The following SCRG1 variants were observed in gnomAD, a reference collection of about 807,000 sequenced individuals.
SCRG1 encodes stimulator of chondrogenesis 1.
A neutral mutation model predicts 7.7 loss-of-function variants in SCRG1; 3 were observed. The ratio of observed to expected loss-of-function variants is 0.39; its 90% CI spans 0.18 to 1.01. The LOEUF (loss-of-function observed/expected upper bound fraction) is 1.01, where lower values mean the gene tolerates loss of function less well. Ranked by LOEUF, SCRG1 falls within the 50% of genes least tolerant of loss-of-function variation. The probability of loss-of-function intolerance (pLI) is 0.36; values close to 1 mark genes in which losing one functional copy is unlikely to be tolerated. For missense variants in SCRG1, 110 were observed against 117.2 expected, an observed-to-expected ratio of 0.94 and a Z score of 0.28; for synonymous variants, 46 against 41.2, an observed-to-expected ratio of 1.12 and a Z score of -0.44.
At chr4:173,403,249 T>C (rs1303447677), upstream of SCRG1, 3 of 152,132 alleles carry the variant, frequency 2.0e-5, no homozygotes, top group South Asian at 2.1e-4. Context: ...GGTGAACTGA[T>C]GCCACCTCCC....
At chr4:173,397,907 G>A (rs961706516) in intron 1 of SCRG1, among the ~76,000 whole-genome samples, 5 of 152,170 alleles carry the variant, frequency 3.3e-5, no homozygotes, top group Admixed American at 6.5e-5. Context: ...CAGCAAGAGA[G>A]AAGCAAAGCT....
At chr4:173,511,270 G>A in the SCRG1 span, among the ~76,000 whole-genome samples, 1 of 152,066 alleles carries the variant, frequency 6.6e-6, no homozygotes, top group Non-Finnish European at 1.5e-5. This position sits in a 1 kb window ranked among gnomAD's most constrained non-coding sequence, Gnocchi z 5.2. Flanking sequence ...GAGCCACCGC[G>A]CGCCGGGTGG....
chr4:173,495,366 GTAAT>G, the SCRG1 span, among the ~76,000 whole-genome samples: 4 of 152,196 alleles, frequency 2.6e-5, no homozygotes, highest in African/African-American at 4.8e-5. Flanking sequence ...TTGTCAAAAA[GTAAT>G]TACCTATTTC....
the SCRG1 span, among the ~76,000 whole-genome samples, chr4:173,439,942 A>C: frequency 6.6e-6 from 1 of 152,242 alleles, no homozygotes; most frequent in African/African-American, 2.4e-5. Context: ...TTTCTTTTGC[A>C]GCTCTAAATC....
the SCRG1 span, among the ~76,000 whole-genome samples, chr4:173,491,272 C>G: frequency 6.6e-6 from 1 of 150,496 alleles, no homozygotes. Flanking sequence ...TTCCTGTGCC[C>G]CACTGCATGC....
the SCRG1 span, among the ~76,000 whole-genome samples, chr4:173,513,565 A>G: frequency 6.6e-6 from 1 of 152,208 alleles, no homozygotes; most frequent in Non-Finnish European, 1.5e-5. Flanking sequence ...TCTTAGTAAC[A>G]ACAACAAAAG....
At chr4:173,468,222 C>T in the SCRG1 span, 2 of 152,326 alleles carry the variant, frequency 1.3e-5, no homozygotes, top group African/African-American at 4.8e-5. Flanking sequence ...AAATAGTTAC[C>T]ACTGTGTAAC....
the SCRG1 span, chr4:173,419,566 A>G: frequency 2.7e-6 from 2 of 729,782 alleles, no homozygotes; most frequent in Non-Finnish European, 5.0e-6. Context: ...GTACTTCTGC[A>G]TTAAATTCCT....
chr4:173,440,026 C>CA, the SCRG1 span, among the ~76,000 whole-genome samples: 2 of 152,122 alleles, frequency 1.3e-5, no homozygotes, highest in African/African-American at 4.8e-5. Flanking sequence ...TGTATTTCTG[C>CA]AAAAATATGG....
chr4:173,484,946 T>G, the SCRG1 span, among the ~76,000 whole-genome samples: 3 of 61,884 alleles, frequency 4.8e-5, no homozygotes, highest in African/African-American at 2.0e-4. Context: ...TTATATATTA[T>G]ATATAATATT....
the SCRG1 span, among the ~76,000 whole-genome samples, chr4:173,483,219 T>G: frequency 6.5e-5 from 1 of 15,386 alleles, no homozygotes; most frequent in Non-Finnish European, 1.7e-4. Flanking sequence ...TATCATATAA[T>G]ATATATATTA....
the SCRG1 span, among the ~76,000 whole-genome samples, chr4:173,418,004 G>A: frequency 6.6e-6 from 1 of 152,128 alleles, no homozygotes; most frequent in African/African-American, 2.4e-5. Context: ...CATGATAAAT[G>A]CAGGTTGACT....
At chr4:173,487,834 G>A in the SCRG1 span, among the ~76,000 whole-genome samples, 1 of 151,958 alleles carries the variant, frequency 6.6e-6, no homozygotes, top group Non-Finnish European at 1.5e-5. Flanking sequence ...TGGGCATGGT[G>A]GCTCATGCAT....
chr4:173,502,827 C>T, the SCRG1 span, among the ~76,000 whole-genome samples: 1 of 151,164 alleles, frequency 6.6e-6, no homozygotes, highest in African/African-American at 2.4e-5. This position sits in a 1 kb window ranked among gnomAD's most constrained non-coding sequence, Gnocchi z 4.6. Flanking sequence ...AAGTTCCAAG[C>T]GTCTTCCACA....
chr4:173,431,654 A>G, the SCRG1 span, among the ~76,000 whole-genome samples: 6 of 152,180 alleles, frequency 3.9e-5, no homozygotes, highest in African/African-American at 1.4e-4. Flanking sequence ...ATTTAACTAG[A>G]GTTGGTTTCT....
the SCRG1 span, among the ~76,000 whole-genome samples, chr4:173,501,332 C>G: frequency 1.3e-4 from 20 of 152,306 alleles, 1 homozygote; most frequent in South Asian, 3.9e-3. This position sits in a 1 kb window ranked among gnomAD's most constrained non-coding sequence, Gnocchi z 5.1. Flanking sequence ...CACGGTCAAG[C>G]CCTAGTTTTC....
At chr4:173,400,518 G>A (rs1355693322), upstream of SCRG1, among the ~76,000 whole-genome samples, 1 of 152,154 alleles carries the variant, frequency 6.6e-6, no homozygotes, top group Non-Finnish European at 1.5e-5. Flanking sequence ...AAAAAGCCTG[G>A]TCTAGAGAAT....
chr4:173,418,395 G>A, the SCRG1 span, among the ~76,000 whole-genome samples: 1 of 152,162 alleles, frequency 6.6e-6, no homozygotes, highest in Non-Finnish European at 1.5e-5. Flanking sequence ...GGAAGGAGAT[G>A]ATAATTGTGG....
At chr4:173,420,740 A>T in the SCRG1 span, among the ~76,000 whole-genome samples, 7 of 151,924 alleles carry the variant, frequency 4.6e-5, no homozygotes, top group Admixed American at 4.6e-4. Flanking sequence ...AGAAAACAGG[A>T]TGCAAGTTAG....
Sources: allele counts gnomAD v4.1 joint callset (sites outside exome capture counted in the v4.1 genomes callset), GRCh38; gene constraint gnomAD v4.1.1; non-coding constraint Gnocchi (gnomAD v3.1); transcripts MANE v1.5; gene names NCBI Gene and HGNC (gene_info 2026-07-23, HGNC 2026-07-21).